Variants in RARB observed in about 807,000 individuals in gnomAD.
RARB encodes HBV-activated protein.
A neutral mutation model predicts 51.9 loss-of-function variants in RARB; 17 were observed. The ratio of observed to expected loss-of-function variants is 0.33; its 90% confidence interval spans 0.22 to 0.49. The LOEUF (loss-of-function observed/expected upper bound fraction) is 0.49. Among genes scored for constraint, RARB ranks in the 20% least tolerant of loss-of-function variants. The pLI is 0.99. For missense variants in RARB, 369 were observed against 550.8 expected (o/e 0.67, Z 3.30); for synonymous variants, 215 against 195.4 (o/e 1.10, Z -0.84).
rs573983329 is a variant in RARB, at chr3:25,341,072, A to G, written c.179-120121A>G. ...GGAAAGGACATGCAGCCAGCAGAAC[A>G]TAATTAACTGAACACTCAACTTTGC... On this transcript the variant is annotated intron_variant, in intron 5 of 11. Transcript: ENST00000383772. 2.0e-5 allele frequency among the ~76,000 whole-genome samples: 3 copies of G among 152,302 alleles called. No homozygotes were observed. In the South Asian group the frequency reaches 6.2e-4, roughly 32 times the overall value.
intron 2 of RARB, among the ~76,000 whole-genome samples, chr3:24,921,701 T>C (rs1287110830): frequency 1.3e-5 from 2 of 152,194 alleles, no homozygotes; most frequent in Non-Finnish European, 2.9e-5. Context: ...AGTGCTACAC[T>C]AGTCCTCATC....
At chr3:25,238,878 C>G (rs1249657076) in intron 5 of RARB, among the ~76,000 whole-genome samples, 1 of 152,122 alleles carries the variant, frequency 6.6e-6, no homozygotes, top group Non-Finnish European at 1.5e-5. Flanking sequence ...ATTAGGGAGG[C>G]TGAGGCAGAA....
intron 2 of RARB, among the ~76,000 whole-genome samples, chr3:25,050,506 G>A (rs866598617): frequency 1.3e-5 from 2 of 152,014 alleles, no homozygotes; most frequent in African/African-American, 4.8e-5. Flanking sequence ...AGTATTATGT[G>A]TATTCACTTT....
intron 4 of RARB, among the ~76,000 whole-genome samples, chr3:25,164,455 T>A (rs1026827164): frequency 3.9e-5 from 6 of 152,220 alleles, no homozygotes; most frequent in African/African-American, 1.4e-4. Flanking sequence ...TGACCTACTA[T>A]GGAACCATGT....
At chr3:25,372,878 A>T (rs1026839205) in intron 5 of RARB, among the ~76,000 whole-genome samples, 2 of 152,216 alleles carry the variant, frequency 1.3e-5, no homozygotes, top group South Asian at 2.1e-4. Flanking sequence ...TTAAAGAGTG[A>T]AATGGATAGA....
intron 1 of RARB, among the ~76,000 whole-genome samples, chr3:25,431,113 T>A (rs1348599280): frequency 6.6e-6 from 1 of 151,878 alleles, no homozygotes; most frequent in Admixed American, 6.6e-5. Context: ...TTTGTGTAAG[T>A]AAGAACATAA....
chr3:25,440,379 T>G (rs1399009524), intron 1 of RARB, among the ~76,000 whole-genome samples: 3 of 151,562 alleles, frequency 2.0e-5, no homozygotes, highest in African/African-American at 7.3e-5. Context: ...CTGGGAATGT[T>G]GAGGCTGCAG....
chr3:25,176,354 C>CTTTCTTTCTTTCT (rs1700750131), intron 5 of RARB, among the ~76,000 whole-genome samples: 12 of 55,650 alleles, frequency 2.2e-4, no homozygotes, highest in African/African-American at 5.2e-4. Flanking sequence ...TCCTTCCTTC[C>CTTTCTTTCTTTCT]TTCCTTCCTT....
At chr3:25,293,606 A>AAAAAAAAAAAAAAAAAAAAAAAAAAG (rs1450388476) in intron 5 of RARB, among the ~76,000 whole-genome samples, 1 of 149,368 alleles carries the variant, frequency 6.7e-6, no homozygotes, top group Non-Finnish European at 1.5e-5. Context: ...TTAAAAAAAA[A>AAAAAAAAAAAAAAAAAAAAAAAAAAG]AAAAAAAAAA....
intron 5 of RARB, among the ~76,000 whole-genome samples, chr3:25,366,311 C>A (rs555949889): frequency 1.3e-5 from 2 of 152,166 alleles, no homozygotes; most frequent in Non-Finnish European, 2.9e-5. Context: ...ATTTCCCAGT[C>A]CCATGTTCCC....
At chr3:24,985,547 G>A (rs573631328) in intron 2 of RARB, among the ~76,000 whole-genome samples, 2 of 152,230 alleles carry the variant, frequency 1.3e-5, no homozygotes, top group Admixed American at 6.5e-5. Context: ...AAATTTAAAG[G>A]AGGATCATGA....
chr3:25,165,891 A>T (rs1221008281), intron 4 of RARB, among the ~76,000 whole-genome samples: 1 of 152,112 alleles, frequency 6.6e-6, no homozygotes, highest in Non-Finnish European at 1.5e-5. Flanking sequence ...TTTTTTCTGA[A>T]AGTCATATTT....
intron 3 of RARB, among the ~76,000 whole-genome samples, chr3:25,531,676 T>C (rs183599800): frequency 1.3e-4 from 19 of 151,826 alleles, no homozygotes; most frequent in Admixed American, 3.9e-4. Context: ...CTGTATTTTT[T>C]ATTTTGATAA....
At chr3:25,143,054 A>G (rs1700134839) in intron 4 of RARB, among the ~76,000 whole-genome samples, 1 of 152,164 alleles carries the variant, frequency 6.6e-6, no homozygotes. Context: ...GCTGAGGGGC[A>G]TTTATTCTGA....
intron 5 of RARB, among the ~76,000 whole-genome samples, chr3:25,420,557 G>A (rs1052137539): frequency 3.9e-5 from 6 of 152,166 alleles, no homozygotes; most frequent in African/African-American, 1.2e-4. Flanking sequence ...CATTTCATCA[G>A]AAAATTCTTT....
intron 2 of RARB, among the ~76,000 whole-genome samples, chr3:24,981,069 C>T (rs1696655846): frequency 6.6e-6 from 1 of 152,180 alleles, no homozygotes; most frequent in Non-Finnish European, 1.5e-5. Context: ...CACTCCAGAC[C>T]TTGTTTGCCT....
chr3:25,346,935 G>C (rs1273255365), intron 5 of RARB, among the ~76,000 whole-genome samples: 3 of 152,226 alleles, frequency 2.0e-5, no homozygotes, highest in African/African-American at 7.2e-5. Context: ...AGTCAAGTTA[G>C]TAAGAGGATT....
chr3:25,036,711 G>A (rs1171847867), intron 2 of RARB, among the ~76,000 whole-genome samples: 3 of 152,068 alleles, frequency 2.0e-5, no homozygotes, highest in Non-Finnish European at 4.4e-5. Flanking sequence ...TTGTTTGTAG[G>A]GCTGCTTCGG....
intron 5 of RARB, among the ~76,000 whole-genome samples, chr3:25,288,071 AG>A (rs2125420029): frequency 6.6e-6 from 1 of 152,292 alleles, no homozygotes; most frequent in Non-Finnish European, 1.5e-5. Context: ...TACAATTTAA[AG>A]TATCAAGCTT....
Sources: gnomAD v4.1 joint callset for allele counts (sites outside exome capture counted in the v4.1 genomes callset) on GRCh38, gnomAD v4.1.1 for gene constraint, MANE v1.5 for transcripts, NCBI Gene and HGNC (gene_info 2026-07-23, HGNC 2026-07-21) for gene names.